The following NTN1 variants were observed in gnomAD, a reference collection of about 807,000 sequenced individuals.
NTN1 encodes the protein netrin-1.
A neutral mutation model predicts 54.2 loss-of-function variants in NTN1; 11 were observed. That is an observed-to-expected ratio of 0.20 (90% CI 0.13 to 0.34). NTN1 has a LOEUF of 0.34. Among genes scored for constraint, NTN1 ranks in the 10% least tolerant of loss-of-function variants. The pLI, the probability that NTN1 is intolerant of heterozygous loss-of-function variation, is 1.00. For missense variants in NTN1, 740 were observed against 893.1 expected, an observed-to-expected ratio of 0.83 and a Z score of 2.18; for synonymous variants, 371 against 382.0, an observed-to-expected ratio of 0.97 and a Z score of 0.33.
In NTN1 at chr17:9,099,971, T is replaced by TTTTTA. The variant is rs573775055; in HGVS notation, c.1019-62827_1019-62823dup. Among the ~76,000 whole-genome samples, 936 of 152,128 alleles carry TTTTTA rather than the reference T, an allele frequency of 6.2e-3. 9 individuals carry two copies. The highest frequency in any genetic ancestry group is 0.022 in the African/African-American group (897 of 41,474). ...ATGATAATTAACATTTTAAAAAATG[T>TTTTTA]TTTTATTTTATTTTATTTTTAAATA... On this transcript the variant is annotated intron_variant, in intron 2 of 6. Transcript: ENST00000173229.
intron 2 of NTN1, among the ~76,000 whole-genome samples, chr17:9,156,353 T>G (rs879858263): frequency 6.6e-6 from 1 of 151,954 alleles, no homozygotes; most frequent in Non-Finnish European, 1.5e-5. Flanking sequence ...GCTGGAGGGC[T>G]GCTGTGGGGT....
At chr17:9,095,877 G>T (rs35080972) in intron 2 of NTN1, among the ~76,000 whole-genome samples, 14,557 of 151,874 alleles carry the variant, frequency 0.096, 790 homozygotes, top group Non-Finnish European at 0.11. Flanking sequence ...TCAGTGCACT[G>T]CAACCTCTGC....
intron 2 of NTN1, among the ~76,000 whole-genome samples, chr17:9,065,239 A>G (rs986172896): frequency 6.6e-6 from 1 of 152,046 alleles, no homozygotes; most frequent in Admixed American, 6.6e-5. Flanking sequence ...GCCCAGCCTT[A>G]TGTGATCTTG....
intron 5 of NTN1, among the ~76,000 whole-genome samples, chr17:9,208,659 C>T (rs1006459079): frequency 1.3e-5 from 2 of 152,224 alleles, no homozygotes; most frequent in African/African-American, 4.8e-5. Context: ...CCGGCTTCTC[C>T]TAATACCCAA....
chr17:9,185,176 C>T (rs2092429595), intron 5 of NTN1, among the ~76,000 whole-genome samples: 1 of 152,154 alleles, frequency 6.6e-6, no homozygotes, highest in Non-Finnish European at 1.5e-5. Context: ...TGATGCTCTC[C>T]CCAGAGAACC....
chr17:9,236,132 G>GT (rs1024750123), intron 6 of NTN1, among the ~76,000 whole-genome samples: 1 of 149,512 alleles, frequency 6.7e-6, no homozygotes, highest in Non-Finnish European at 1.5e-5. Flanking sequence ...TTTGGGGGGG[G>GT]GGGTACTAAC....
rs1240825611 is a variant in NTN1, at chr17:9,212,032, G to C, written c.1412-9136G>C. 6.6e-6 allele frequency among the ~76,000 whole-genome samples: 1 copy of C among 152,176 alleles called. No individual in the cohort carries two copies. The highest frequency in any genetic ancestry group is 1.5e-5 in the Non-Finnish European group (1 of 68,034). On this transcript the variant is annotated intron_variant, in intron 5 of 6. Transcript: ENST00000173229. This position sits in a 1 kb window ranked among gnomAD's most constrained non-coding sequence, Gnocchi z 5.5. Reference sequence around the variant, plus strand: ...TAGAAGATGCTTCATTTGGGGCATCGTTAGCCTTTCTGCCCCCAAGGCCCA... The same window carrying C: ...TAGAAGATGCTTCATTTGGGGCATCCTTAGCCTTTCTGCCCCCAAGGCCCA...
chr17:9,096,660 C>T lies in NTN1; in HGVS notation c.1019-66153C>T, dbSNP rs147455348. Among the ~76,000 whole-genome samples, 1,201 of 152,214 alleles carry T rather than the reference C, an allele frequency of 7.9e-3. 13 individuals are homozygous for T. The highest frequency in any genetic ancestry group is 8.2e-3 in the Non-Finnish European group (556 of 68,022). ...TGCTGGGATTACAGGCGTGAGCCAC[C>T]GCACCCAGCCCATCATAGCATCTTT... On this transcript the variant is annotated intron_variant, in intron 2 of 6. Coordinates refer to ENST00000173229, the MANE Select transcript of NTN1 (RefSeq NM_004822.3).
intron 5 of NTN1, among the ~76,000 whole-genome samples, chr17:9,196,331 G>A (rs1022827620): frequency 5.9e-5 from 9 of 152,218 alleles, no homozygotes; most frequent in East Asian, 1.9e-4. Flanking sequence ...TTAGGCAGTC[G>A]CCAGGCAGCC....
intron 2 of NTN1, among the ~76,000 whole-genome samples, chr17:9,054,370 C>G (rs964992696): frequency 3.9e-5 from 6 of 152,208 alleles, no homozygotes; most frequent in African/African-American, 1.4e-4. Context: ...GCCGCCTGCC[C>G]AGGTCGGCCC....
Position 9,028,001 on chromosome 17 carries a change from G to A in NTN1, c.1018+4610G>A, listed in dbSNP as rs138370754. Among the ~76,000 whole-genome samples, 505 of 151,404 alleles carry A rather than the reference G, an allele frequency of 3.3e-3. 3 individuals carry two copies. The highest frequency in any genetic ancestry group is 0.012 in the African/African-American group (481 of 41,242). Reference sequence around the variant, plus strand: ...TTAGCTGGGCATAGTGGCGGGTGCCGGTAATCCTAGCTACTAGGGAGGCTG... The same window carrying A: ...TTAGCTGGGCATAGTGGCGGGTGCCAGTAATCCTAGCTACTAGGGAGGCTG... On this transcript the variant is annotated intron_variant, in intron 2 of 6. Coordinates refer to ENST00000173229, the MANE Select transcript of NTN1 (RefSeq NM_004822.3).
the NTN1 span, among the ~76,000 whole-genome samples, chr17:9,012,778 T>C: frequency 6.6e-6 from 1 of 152,006 alleles, no homozygotes; most frequent in Non-Finnish European, 1.5e-5. Context: ...CACAGTGGAG[T>C]TGCTATTGTC....
At chr17:9,184,201 A>G (rs536145664) in intron 5 of NTN1, among the ~76,000 whole-genome samples, 2 of 152,374 alleles carry the variant, frequency 1.3e-5, no homozygotes, top group South Asian at 4.1e-4. Flanking sequence ...CAAACAGGAA[A>G]GGACAGAAAT....
At chr17:9,014,426 G>T in the NTN1 span, among the ~76,000 whole-genome samples, 2 of 152,156 alleles carry the variant, frequency 1.3e-5, no homozygotes, top group Admixed American at 6.5e-5. Context: ...CTCTGCCAGG[G>T]TCTTTCCTTT....
the NTN1 span, among the ~76,000 whole-genome samples, chr17:9,010,764 C>T: frequency 6.6e-6 from 1 of 152,270 alleles, no homozygotes; most frequent in South Asian, 2.1e-4. Context: ...GGCAGCGGTC[C>T]TCAACCTTTT....
intron 3 of NTN1, 32 bp downstream of exon 3, chr17:9,163,033 G>A: frequency 6.4e-7 from 1 of 1,554,362 alleles, no homozygotes; most frequent in Non-Finnish European, 8.7e-7. Flanking sequence ...GGGGGGCTGG[G>A]GAGACCCGGG....
chr17:9,069,512 G>A (rs1173221639), intron 2 of NTN1, among the ~76,000 whole-genome samples: 4 of 152,160 alleles, frequency 2.6e-5, no homozygotes, highest in Admixed American at 6.5e-5. Flanking sequence ...CTTTCACTGC[G>A]TTAAAAACAA....
chr17:9,015,102 T>C, the NTN1 span, among the ~76,000 whole-genome samples: 1 of 152,188 alleles, frequency 6.6e-6, no homozygotes, highest in Non-Finnish European at 1.5e-5. Context: ...ATGTTACACA[T>C]AATGCTTGAT....
intron 2 of NTN1, among the ~76,000 whole-genome samples, chr17:9,116,201 A>G (rs1010684758): frequency 6.6e-6 from 1 of 152,034 alleles, no homozygotes; most frequent in African/African-American, 2.4e-5. Context: ...AGAACATTCC[A>G]CGGGGGTGGC....
Sources: allele counts gnomAD v4.1 joint callset (sites outside exome capture counted in the v4.1 genomes callset), GRCh38; gene constraint gnomAD v4.1.1; non-coding constraint Gnocchi (gnomAD v3.1); transcripts MANE v1.5; gene names NCBI Gene and HGNC (gene_info 2026-07-23, HGNC 2026-07-21).